The following PUDP variants were observed in gnomAD, a reference collection of about 807,000 sequenced individuals.
PUDP encodes pseudouridine-5'-phosphatase.
A neutral mutation model predicts 9.4 loss-of-function variants in PUDP; 8 were observed. The observed-to-expected ratio is 0.85, with a 90% CI of 0.50 to 1.53. The LOEUF is 1.53. Among genes scored for constraint, PUDP ranks in the 40% most tolerant of loss-of-function variants. The pLI, the probability that PUDP is intolerant of heterozygous loss-of-function variation, is 0.00. For missense variants in PUDP, 188 were observed against 189.7 expected, an observed-to-expected ratio of 0.99 and a Z score of 0.05; for synonymous variants, 99 against 80.7, an observed-to-expected ratio of 1.23 and a Z score of -1.22.
chrX:6,924,522 G>A (rs1009436809), intron 3 of PUDP, among the ~76,000 whole-genome samples: 3 of 111,973 alleles, frequency 2.7e-5, no homozygotes, highest in East Asian at 2.8e-4. Context: ...TTGGGGATGA[G>A]GCCTTGAGTG....
At chrX:6,967,706 C>T (rs1173192830) in intron 3 of PUDP, among the ~76,000 whole-genome samples, 1 of 111,768 alleles carries the variant, frequency 8.9e-6, no homozygotes, top group Non-Finnish European at 1.9e-5. Context: ...TTCCCAGAGG[C>T]CTCAGAGAAA....
rs57329172 is a variant in PUDP, at chrX:6,975,168, G to T, written c.*247+1965C>A. 8.7e-3 allele frequency among the ~76,000 whole-genome samples: 959 copies of T among 109,680 alleles called. 12 individuals are homozygous for T. The highest frequency in any genetic ancestry group is 0.03 in the African/African-American group (893 of 30,100). On this transcript the variant is annotated intron_variant and NMD_transcript_variant, in intron 3 of 3. Transcript: ENST00000655425. ...CATTGGGTTAGATCATGTTCCTTTAGCTCAGAGGAGTTTGTTATTACCCAC... is the reference window on the plus strand; with the variant it reads ...CATTGGGTTAGATCATGTTCCTTTATCTCAGAGGAGTTTGTTATTACCCAC...
rs375259788 is a variant in PUDP at position 7,123,062 on chromosome X, G to A, written c.62-17224C>T. Among the ~76,000 whole-genome samples the A allele has an allele frequency of 5.4e-5, 6 of 111,729 alleles. No homozygotes were observed. The South Asian group carries it at 1.9e-3, about 35-fold the overall frequency. ...ACGTCTCTGGTGTTCTTTCTAAATC[G>A]TGCTAAGTTACCTTAAAATGAGATA... On this transcript the variant is annotated intron_variant, in intron 1 of 3. Transcript: ENST00000381077.
chrX:6,780,209 ATATG>A (rs1446470805), intron 3 of PUDP, among the ~76,000 whole-genome samples: 1 of 109,539 alleles, frequency 9.1e-6, no homozygotes, highest in Non-Finnish European at 1.9e-5. Flanking sequence ...TCAGCGTCAC[ATATG>A]TATCTATGAA....
intron 1 of PUDP, among the ~76,000 whole-genome samples, chrX:7,007,714 C>G (rs1445151212): frequency 8.9e-6 from 1 of 111,897 alleles, no homozygotes; most frequent in Non-Finnish European, 1.9e-5. Flanking sequence ...TCATTTGGCA[C>G]CAAAACAGGC....
At chrX:7,096,606 G>A (rs1288550760) in intron 2 of PUDP, among the ~76,000 whole-genome samples, 1 of 111,129 alleles carries the variant, frequency 9.0e-6, no homozygotes, top group Non-Finnish European at 1.9e-5. Context: ...GAGGAAGGAG[G>A]ACTGCTTGAG....
At chrX:6,915,737 TTAAATA>T (rs1398516922) in intron 3 of PUDP, among the ~76,000 whole-genome samples, 5 of 112,213 alleles carry the variant, frequency 4.5e-5, no homozygotes, top group East Asian at 2.8e-4. Context: ...ACTTATCCAT[TTAAATA>T]TAAAGTATCT....
At chrX:6,912,083 C>T (rs1349614277) in intron 3 of PUDP, among the ~76,000 whole-genome samples, 6 of 111,631 alleles carry the variant, frequency 5.4e-5, no homozygotes, top group Non-Finnish European at 1.9e-5. Context: ...ATGGACAAAG[C>T]TTCTTAATTG....
chrX:7,030,696 A>T (rs2146826087), intron 1 of PUDP, among the ~76,000 whole-genome samples: 1 of 111,209 alleles, frequency 9.0e-6, no homozygotes, highest in South Asian at 3.9e-4. Flanking sequence ...CCTTCCTCAT[A>T]TGCAAGAGGC....
chrX:6,771,358 A>G (rs112956629), intron 3 of PUDP, among the ~76,000 whole-genome samples: 20 of 111,917 alleles, frequency 1.8e-4, no homozygotes, highest in Middle Eastern at 4.6e-3. Context: ...TACCCCAAAC[A>G]CCACTGCCCT....
intron 3 of PUDP, among the ~76,000 whole-genome samples, chrX:6,803,681 G>A (rs16992200): frequency 0.02 from 2,247 of 111,909 alleles, 55 homozygotes; most frequent in African/African-American, 0.07. Context: ...CTCCGAGTTC[G>A]ACGCATTTCC....
intron 3 of PUDP, among the ~76,000 whole-genome samples, chrX:6,801,612 C>T (rs1949624431): frequency 8.9e-6 from 1 of 112,056 alleles, no homozygotes; most frequent in African/African-American, 3.2e-5. Flanking sequence ...AAGTGCATTA[C>T]AATAGGTGAT....
chrX:7,086,741 C>T (rs1931276051), intron 2 of PUDP, among the ~76,000 whole-genome samples: 1 of 112,170 alleles, frequency 8.9e-6, no homozygotes, highest in South Asian at 3.7e-4. Context: ...ATCTTCAGTC[C>T]TAATTTACTA....
chrX:6,813,240 C>A (rs1299907769), intron 3 of PUDP, among the ~76,000 whole-genome samples: 1 of 110,647 alleles, frequency 9.0e-6, no homozygotes, highest in African/African-American at 3.3e-5. Flanking sequence ...GGGACTTGGT[C>A]CTTACAATCT....
intron 3 of PUDP, among the ~76,000 whole-genome samples, chrX:6,759,568 A>G (rs981625300): frequency 4.5e-5 from 5 of 111,349 alleles, no homozygotes; most frequent in Non-Finnish European, 7.5e-5. Context: ...CCTCTCCCCA[A>G]GTAGTGAAAA....
chrX:7,132,085 A>T (rs1374463992), intron 1 of PUDP, among the ~76,000 whole-genome samples: 1 of 109,329 alleles, frequency 9.1e-6, no homozygotes, highest in Non-Finnish European at 1.9e-5. Flanking sequence ...CCGCCCCCGT[A>T]CAAATTACAG....
At chrX:7,101,447 T>C (rs1358748707) in intron 2 of PUDP, among the ~76,000 whole-genome samples, 1 of 110,477 alleles carries the variant, frequency 9.1e-6, no homozygotes, top group Admixed American at 9.5e-5. Context: ...CTTAATCTGA[T>C]ACCTGCTCGC....
intron 3 of PUDP, among the ~76,000 whole-genome samples, chrX:6,879,982 G>A (rs1237256024): frequency 9.0e-6 from 1 of 110,684 alleles, no homozygotes; most frequent in Non-Finnish European, 1.9e-5. Context: ...ACATTCTATA[G>A]TTATTCTTAA....
chrX:6,832,395 G>A, intron 3 of PUDP, among the ~76,000 whole-genome samples: 1 of 112,351 alleles, frequency 8.9e-6, no homozygotes, highest in Admixed American at 9.4e-5. Flanking sequence ...AAAGGACAAG[G>A]TTGGGGACAG....
Sources: gnomAD v4.1 joint callset for allele counts (sites outside exome capture counted in the v4.1 genomes callset) on GRCh38, gnomAD v4.1.1 for gene constraint, MANE v1.5 for transcripts, NCBI Gene and HGNC (gene_info 2026-07-23, HGNC 2026-07-21) for gene names.